The following KCNH1 variants were observed in gnomAD, a reference collection of about 807,000 sequenced individuals.
KCNH1 encodes potassium voltage-gated channel subfamily H member 1.
Under a neutral mutation model 69.2 loss-of-function variants are expected in KCNH1, and 27 were observed. The observed-to-expected ratio is 0.39, with a 90% CI of 0.29 to 0.54. The LOEUF is 0.54. Ranked by LOEUF, KCNH1 falls within the 20% of genes least tolerant of loss-of-function variation. KCNH1 has a pLI of 0.68. For synonymous variants in KCNH1, 456 were observed against 487.7 expected (o/e 0.93, Z 0.86); for missense variants, 798 against 1,261.6 (o/e 0.63, Z 5.57).
intron 6 of KCNH1, among the ~76,000 whole-genome samples, chr1:210,998,729 A>C (rs1375362214): frequency 6.6e-6 from 1 of 152,190 alleles, no homozygotes; most frequent in African/African-American, 2.4e-5. Context: ...GCACCACAAC[A>C]CACCTAATCC....
intron 7 of KCNH1, among the ~76,000 whole-genome samples, chr1:210,868,937 T>C (rs1686175293): frequency 6.6e-6 from 1 of 152,142 alleles, no homozygotes; most frequent in African/African-American, 2.4e-5. Flanking sequence ...TCTGAAGAAC[T>C]TGCATTTTAA....
chr1:210,823,478 C>G (rs1230563950), intron 7 of KCNH1, among the ~76,000 whole-genome samples: 1 of 152,190 alleles, frequency 6.6e-6, no homozygotes, highest in Non-Finnish European at 1.5e-5. Flanking sequence ...AATGTGCTCT[C>G]TCCCTGTGTT....
chr1:210,915,530 A>T (rs962738511), intron 7 of KCNH1, among the ~76,000 whole-genome samples: 3 of 152,094 alleles, frequency 2.0e-5, no homozygotes, highest in African/African-American at 7.2e-5. Context: ...ACTACCACAG[A>T]TCTACACAGG....
intron 6 of KCNH1, among the ~76,000 whole-genome samples, chr1:210,976,442 G>A (rs1688612065): frequency 6.7e-6 from 1 of 148,746 alleles, no homozygotes; most frequent in African/African-American, 2.4e-5. Context: ...TTATTAAAAA[G>A]TCAAGAAACA....
intron 5 of KCNH1, among the ~76,000 whole-genome samples, chr1:211,045,061 A>ATATATATATATATAT (rs1690072423): frequency 3.1e-5 from 1 of 32,212 alleles, no homozygotes; most frequent in South Asian, 1.4e-3. Flanking sequence ...TATATATATG[A>ATATATATATATATAT]ATAATAGAAT....
chr1:210,717,709 C>G (rs1682294833), intron 10 of KCNH1, among the ~76,000 whole-genome samples: 1 of 152,216 alleles, frequency 6.6e-6, no homozygotes, highest in South Asian at 2.1e-4. Context: ...TCAGGAACAG[C>G]AGATTCCCTT....
intron 6 of KCNH1, among the ~76,000 whole-genome samples, chr1:210,984,817 T>A (rs1688796311): frequency 6.6e-6 from 1 of 152,184 alleles, no homozygotes; most frequent in African/African-American, 2.4e-5. Flanking sequence ...TTAGGGAGGA[T>A]TCCCTCTTTT....
At chr1:210,788,694 T>C (rs1201630280) in intron 9 of KCNH1, among the ~76,000 whole-genome samples, 3,142 of 88,174 alleles carry the variant, frequency 0.036, 133 homozygotes, top group East Asian at 0.13. Context: ...TCTTTTTTTT[T>C]TTTTTTTTTT....
chr1:210,901,851 G>A (rs1332749801), intron 7 of KCNH1, among the ~76,000 whole-genome samples: 3 of 152,166 alleles, frequency 2.0e-5, no homozygotes, highest in Non-Finnish European at 2.9e-5. Flanking sequence ...ATAATCACTT[G>A]GATACTGAGC....
chr1:210,865,178 C>T (rs1013460228), intron 7 of KCNH1, among the ~76,000 whole-genome samples: 1 of 152,102 alleles, frequency 6.6e-6, no homozygotes, highest in Non-Finnish European at 1.5e-5. Flanking sequence ...ATACAATCTG[C>T]TTCATTTGTC....
At chr1:211,025,444 TTC>T (rs957639715) in intron 5 of KCNH1, among the ~76,000 whole-genome samples, 1 of 152,118 alleles carries the variant, frequency 6.6e-6, no homozygotes, top group African/African-American at 2.4e-5. Context: ...AGATTTTAAT[TTC>T]TCTCTCCATG....
chr1:210,846,178 C>A (rs867508629), intron 7 of KCNH1, among the ~76,000 whole-genome samples: 7 of 152,130 alleles, frequency 4.6e-5, no homozygotes, highest in African/African-American at 1.7e-4. Context: ...AGATTCAATG[C>A]CATCGCCATC....
intron 6 of KCNH1, among the ~76,000 whole-genome samples, chr1:211,007,804 T>C (rs143349220): frequency 2.2e-3 from 337 of 152,310 alleles, no homozygotes; most frequent in African/African-American, 7.7e-3. Flanking sequence ...AATAAAATGA[T>C]CTCAAAGTTC....
intron 5 of KCNH1, among the ~76,000 whole-genome samples, chr1:211,068,039 A>T (rs1317606459): frequency 3.3e-5 from 5 of 152,242 alleles, no homozygotes; most frequent in Non-Finnish European, 5.9e-5. Context: ...AACTAAGGCC[A>T]GATTGCCTTA....
chr1:210,822,369 C>T (rs1236847012), intron 7 of KCNH1, among the ~76,000 whole-genome samples: 1 of 151,974 alleles, frequency 6.6e-6, no homozygotes, highest in Non-Finnish European at 1.5e-5. Context: ...AAGCCTTATA[C>T]CAGGCTAAGA....
rs140203949 is a variant in KCNH1 at position 210,852,682 on chromosome 1, C to T, written c.1463-48516G>A. 4.0e-3 allele frequency among the ~76,000 whole-genome samples: 604 copies of T among 152,232 alleles called. 6 individuals carry two copies. Among genetic ancestry groups the T allele is most frequent in the African/African-American group, 0.014 (575 of 41,532 alleles). ...ACTATTTAAATAATATTTAGGCAAA[C>T]GCGCTTGGCCCAAGGGAAACAATAT... On this transcript the variant is annotated intron_variant, in intron 7 of 10. Coordinates refer to ENST00000271751, the MANE Select transcript of KCNH1 (RefSeq NM_172362.3).
chr1:210,718,538 A>G (rs1412906046), intron 10 of KCNH1, among the ~76,000 whole-genome samples: 1 of 92,134 alleles, frequency 1.1e-5, no homozygotes, highest in Non-Finnish European at 2.2e-5. Flanking sequence ...TAAAATATAT[A>G]CATATATGTA....
At chr1:211,067,492 A>G (rs1571620750) in intron 5 of KCNH1, among the ~76,000 whole-genome samples, 1 of 152,264 alleles carries the variant, frequency 6.6e-6, no homozygotes, top group East Asian at 1.9e-4. Context: ...GCCTCTGTGG[A>G]TCTGCCCTGT....
chr1:210,838,286 G>C (rs531651229), intron 7 of KCNH1, among the ~76,000 whole-genome samples: 1 of 152,086 alleles, frequency 6.6e-6, no homozygotes, highest in Non-Finnish European at 1.5e-5. Context: ...GAACTGGCTA[G>C]GCATATGCAG....
Sources: allele counts gnomAD v4.1 joint callset (sites outside exome capture counted in the v4.1 genomes callset), GRCh38; gene constraint gnomAD v4.1.1; transcripts MANE v1.5; gene names NCBI Gene and HGNC (gene_info 2026-07-23, HGNC 2026-07-21).